CCDC149: variants seen among roughly 807,000 people sequenced by gnomAD.
CCDC149 encodes coiled-coil domain-containing protein 149.
In CCDC149, 45 loss-of-function variants were observed where a neutral mutation model predicts 59.9. The ratio of observed to expected loss-of-function variants is 0.75; its 90% confidence interval spans 0.59 to 0.96. The LOEUF (loss-of-function observed/expected upper bound fraction) is 0.96, where lower values mean the gene tolerates loss of function less well. Among genes scored for constraint, CCDC149 ranks in the 40% least tolerant of loss-of-function variants. The probability of loss-of-function intolerance (pLI) is 0.00; values close to 1 mark genes in which losing one functional copy is unlikely to be tolerated. For synonymous variants in CCDC149, 245 were observed against 260.6 expected (o/e 0.94, Z 0.58); for missense variants, 584 against 664.7 (o/e 0.88, Z 1.33).
intron 1 of CCDC149, among the ~76,000 whole-genome samples, chr4:24,886,328 T>C (rs900739458): frequency 1.6e-4 from 24 of 152,226 alleles, no homozygotes; most frequent in Admixed American, 1.4e-3. Context: ...CAGGAAAGGT[T>C]GTCAGAGGCT....
At chr4:24,901,059 T>C (rs1346334469) in intron 1 of CCDC149, among the ~76,000 whole-genome samples, 1 of 152,214 alleles carries the variant, frequency 6.6e-6, no homozygotes, top group Non-Finnish European at 1.5e-5. Flanking sequence ...GGTGGTTTAA[T>C]TGGCTAGCTG....
At chr4:24,884,672 A>T (rs905626985) in intron 1 of CCDC149, among the ~76,000 whole-genome samples, 1 of 152,238 alleles carries the variant, frequency 6.6e-6, no homozygotes, top group African/African-American at 2.4e-5. Flanking sequence ...GTCACTCACT[A>T]GCGACATGAT....
chr4:24,827,315 G>GC (rs1715814388), intron 9 of CCDC149: 1 of 152,266 alleles, frequency 6.6e-6, no homozygotes. Flanking sequence ...ACCCCAGGTG[G>GC]CCTCCTTTCA....
At chr4:24,936,269 G>T (rs1304504741) in intron 1 of CCDC149, among the ~76,000 whole-genome samples, 1 of 151,934 alleles carries the variant, frequency 6.6e-6, no homozygotes, top group East Asian at 1.9e-4. Flanking sequence ...TTTCAGTTTT[G>T]CTTTTTGAGG....
chr4:24,833,701 C>G (rs1294237951), intron 8 of CCDC149, among the ~76,000 whole-genome samples: 1 of 152,116 alleles, frequency 6.6e-6, no homozygotes, highest in African/African-American at 2.4e-5. Flanking sequence ...TACTGCTGGA[C>G]ATTTATTGTG....
At chr4:24,809,841 T>C (rs533245960) in intron 12 of CCDC149, among the ~76,000 whole-genome samples, 3 of 152,316 alleles carry the variant, frequency 2.0e-5, no homozygotes, top group African/African-American at 7.2e-5. Flanking sequence ...TGCGCAGGTA[T>C]GTTTTCAGGC....
In CCDC149 at chr4:24,837,026, A is replaced by G. The variant is rs948279378; in HGVS notation, c.662+202T>C. On this transcript the variant is annotated intron_variant, in intron 6 of 12. Transcript: ENST00000635206. This position sits in a 1 kb window ranked among gnomAD's most constrained non-coding sequence, Gnocchi z 4.3. ...AGGGAAAGAGAAGGGAGATGTGTGC[A>G]CTGTGTAGGTGTGGGCTGCTTTCCT... Among the ~76,000 whole-genome samples the G allele has an allele frequency of 1.3e-5, 2 of 151,840 alleles. No homozygotes were observed.
intron 9 of CCDC149, chr4:24,828,402 A>G (rs1577387887): frequency 6.6e-6 from 1 of 152,090 alleles, no homozygotes. Context: ...TGAGGAATGG[A>G]CGTTTCTTCC....
At chr4:24,810,475 G>A (rs1388329309) in intron 12 of CCDC149, among the ~76,000 whole-genome samples, 2 of 152,068 alleles carry the variant, frequency 1.3e-5, no homozygotes, top group Non-Finnish European at 2.9e-5. Flanking sequence ...CCCCTTTCCA[G>A]TCCCTTTTCT....
At chr4:24,876,485 T>A (rs750451734) in intron 2 of CCDC149, 51 bp downstream of exon 2, 1 of 1,534,644 alleles carries the variant, frequency 6.5e-7, no homozygotes, top group Non-Finnish European at 8.8e-7. Context: ...TCTCTTTATA[T>A]CTTAATTCAG....
At chr4:24,865,960 G>C (rs1718671051) in intron 3 of CCDC149, among the ~76,000 whole-genome samples, 1 of 152,196 alleles carries the variant, frequency 6.6e-6, no homozygotes, top group Middle Eastern at 3.4e-3. Flanking sequence ...AGTTTCCCTG[G>C]TGTAATGAAA....
intron 3 of CCDC149, among the ~76,000 whole-genome samples, chr4:24,862,742 C>T (rs572744229): frequency 8.7e-4 from 132 of 152,278 alleles, no homozygotes; most frequent in Non-Finnish European, 1.6e-3. Context: ...CCATATATTT[C>T]CTGGTTGCTT....
chr4:24,932,564 G>T (rs137948515), intron 1 of CCDC149, among the ~76,000 whole-genome samples: 1 of 152,110 alleles, frequency 6.6e-6, no homozygotes, highest in Admixed American at 6.6e-5. Flanking sequence ...AAGTCTATTT[G>T]GTCTTCTTTT....
chr4:24,891,596 T>C (rs1040252844), intron 1 of CCDC149, among the ~76,000 whole-genome samples: 1 of 152,238 alleles, frequency 6.6e-6, no homozygotes, highest in African/African-American at 2.4e-5. Flanking sequence ...GGTTTACTCT[T>C]TTGCGTGTGC....
rs754591249 is a variant in CCDC149 at position 24,837,214 on chromosome 4, G to C, written c.662+14C>G. ...GCCTTCCTCCCACGCACAGGCCTGG[G>C]CCTGGCCACTTGCCTGTTCTCCATA... On this transcript the variant is annotated intron_variant, in intron 6 of 12. Coordinates refer to ENST00000635206, the MANE Select transcript of CCDC149 (RefSeq NM_001330643.2). The surrounding 1 kb of genome is among the most constrained non-coding windows in gnomAD (Gnocchi z 4.3). 4.3e-6 allele frequency: 7 copies of C among 1,613,694 alleles called. No homozygotes were observed. In the East Asian group the frequency reaches 1.3e-4, roughly 31 times the overall value.
chr4:24,961,961 G>A (rs1723645715), intron 1 of CCDC149, among the ~76,000 whole-genome samples: 2 of 151,222 alleles, frequency 1.3e-5, no homozygotes, highest in Non-Finnish European at 3.0e-5. Flanking sequence ...TTGACAAATG[G>A]GATCTAATTC....
chr4:24,935,473 C>A (rs1437897940), intron 1 of CCDC149, among the ~76,000 whole-genome samples: 3 of 152,094 alleles, frequency 2.0e-5, no homozygotes, highest in African/African-American at 7.2e-5. Context: ...AACCTAACCC[C>A]CAATATGAAG....
At position 24,808,773 on chromosome 4, in the gene CCDC149, C is replaced by T; in HGVS notation, c.1239G>A (p.Glu413=). The change falls in exon 13 of 13, where the codon GAG becomes GAA. Residue 413 remains glutamate (E), a synonymous_variant. Transcript: ENST00000635206. ...CAGCATCCTCAGGCGCTGTCAACGC[C>T]TCAGCAGCGGCACAACTTTCATCTT... 2 of 1,551,394 alleles carry T rather than the reference C, an allele frequency of 1.3e-6. No homozygotes were observed. Among genetic ancestry groups the T allele is most frequent in the Admixed American group, 2.0e-5 (1 of 50,894 alleles).
chr4:24,916,647 A>AT (rs1016834241), upstream of CCDC149, among the ~76,000 whole-genome samples: 18 of 152,074 alleles, frequency 1.2e-4, no homozygotes. Flanking sequence ...TCCAGTAGAG[A>AT]TTTTGGCCGG....
Sources: allele counts gnomAD v4.1 joint callset (sites outside exome capture counted in the v4.1 genomes callset), GRCh38; gene constraint gnomAD v4.1.1; non-coding constraint Gnocchi (gnomAD v3.1); transcripts MANE v1.5; gene names NCBI Gene and HGNC (gene_info 2026-07-23, HGNC 2026-07-21).